Variants in ATAD2B observed in about 807,000 individuals in gnomAD.
The protein encoded by ATAD2B is ATPase family AAA domain-containing protein 2B.
A neutral mutation model predicts 167.6 loss-of-function variants in ATAD2B; 40 were observed. The observed-to-expected ratio is 0.24, with a 90% CI of 0.19 to 0.31. The LOEUF is 0.31. ATAD2B is among the 10% of genes least tolerant of loss of function. The pLI is 1.00. For missense variants in ATAD2B, 1,242 were observed against 1,757.2 expected, an observed-to-expected ratio of 0.71 and a Z score of 5.24; for synonymous variants, 579 against 596.5, an observed-to-expected ratio of 0.97 and a Z score of 0.43.
intron 2 of ATAD2B, among the ~76,000 whole-genome samples, chr2:23,891,746 C>T (rs80087889): frequency 0.065 from 9,808 of 151,844 alleles, 411 homozygotes; most frequent in African/African-American, 0.12. Flanking sequence ...CCGCCCCGAC[C>T]CCCACCTCAG....
At chr2:23,880,871 A>G in intron 6 of ATAD2B, 116 bp from the exon 7 acceptor site, 1 of 655,148 alleles carries the variant, frequency 1.5e-6, no homozygotes, top group South Asian at 1.9e-5. Context: ...CACAGGTGAC[A>G]TTTAAGTGCC....
chr2:23,871,352 T>G (rs1445394850), intron 8 of ATAD2B, among the ~76,000 whole-genome samples: 1 of 152,000 alleles, frequency 6.6e-6, no homozygotes, highest in Non-Finnish European at 1.5e-5. Context: ...GCTCTCCACC[T>G]CTGCAATTTT....
intron 2 of ATAD2B, among the ~76,000 whole-genome samples, chr2:23,890,576 T>C (rs781287966): frequency 1.2e-4 from 19 of 152,206 alleles, no homozygotes; most frequent in Non-Finnish European, 2.4e-4. Context: ...TATTACTTCA[T>C]AAATATACTT....
chr2:23,693,122 G>C, the ATAD2B span: 2 of 944,672 alleles, frequency 2.1e-6, no homozygotes, highest in Non-Finnish European at 3.1e-6. Flanking sequence ...CAGACACCCA[G>C]GAAGGGGGCC....
chr2:23,777,984 G>C (rs1033120810), intron 22 of ATAD2B, among the ~76,000 whole-genome samples: 1 of 152,148 alleles, frequency 6.6e-6, no homozygotes, highest in Non-Finnish European at 1.5e-5. Flanking sequence ...AAATGGCCAA[G>C]TGTTCTGTAA....
intron 13 of ATAD2B, among the ~76,000 whole-genome samples, chr2:23,836,832 C>T (rs1039854450): frequency 2.6e-5 from 4 of 152,064 alleles, no homozygotes; most frequent in South Asian, 4.2e-4. Flanking sequence ...CTGGCTGAGC[C>T]GGGGCTTTTA....
At chr2:23,877,144 A>G (rs1024211014) in intron 7 of ATAD2B, among the ~76,000 whole-genome samples, 2 of 151,408 alleles carry the variant, frequency 1.3e-5, no homozygotes, top group African/African-American at 2.4e-5. Context: ...TTTTTTTTAC[A>G]GGCTGGGCAG....
At chr2:23,761,192 G>A (rs911521410) in intron 24 of ATAD2B, among the ~76,000 whole-genome samples, 6 of 152,110 alleles carry the variant, frequency 3.9e-5, no homozygotes, top group African/African-American at 9.7e-5. Flanking sequence ...TCAGTTTCAC[G>A]GCATCATCGA....
At chr2:23,768,885 C>A (rs1050258330) in intron 22 of ATAD2B, among the ~76,000 whole-genome samples, 1 of 152,186 alleles carries the variant, frequency 6.6e-6, no homozygotes, top group African/African-American at 2.4e-5. Context: ...ATGGGTATAA[C>A]ACAATTTGTT....
intron 14 of ATAD2B, among the ~76,000 whole-genome samples, chr2:23,829,203 A>G (rs1215183314): frequency 6.6e-6 from 1 of 152,204 alleles, no homozygotes; most frequent in East Asian, 1.9e-4. Flanking sequence ...AAGAAAATTG[A>G]CTAGCAGCAT....
intron 7 of ATAD2B, 90 bp from the exon 8 acceptor site, chr2:23,875,994 T>G (rs1696762526): frequency 1.0e-6 from 1 of 1,002,404 alleles, no homozygotes; most frequent in East Asian, 2.7e-5. Flanking sequence ...TGCTCACTTT[T>G]TTGTTGTTGT....
At chr2:23,683,413 C>G in the ATAD2B span, among the ~76,000 whole-genome samples, 5 of 152,356 alleles carry the variant, frequency 3.3e-5, 1 homozygote, top group Admixed American at 3.3e-4. Context: ...TGAGGCAAGG[C>G]TGTTGTGGGG....
chr2:23,705,046 A>G, the ATAD2B span, among the ~76,000 whole-genome samples: 17 of 152,224 alleles, frequency 1.1e-4, no homozygotes, highest in Middle Eastern at 6.3e-3. Flanking sequence ...TGTTGGACTG[A>G]GATTTCACAA....
chr2:23,707,145 C>T, the ATAD2B span: 8 of 153,184 alleles, frequency 5.2e-5, no homozygotes, highest in Non-Finnish European at 1.0e-4. Context: ...CGACAGAAAA[C>T]GAGGGACAAT....
At chr2:23,813,194 G>A (rs1371387189) in intron 17 of ATAD2B, among the ~76,000 whole-genome samples, 2 of 151,562 alleles carry the variant, frequency 1.3e-5, no homozygotes, top group African/African-American at 2.4e-5. Flanking sequence ...GGCAGCCTAG[G>A]AAATGATTAA....
In ATAD2B at chr2:23,926,871, T is replaced by A. The variant is rs1225226969; in HGVS notation, c.-101A>T. The A allele has an allele frequency of 5.8e-6, 8 of 1,374,584 alleles. No homozygotes were observed. The East Asian group carries it at 1.4e-4, about 23-fold the overall frequency. The allele number at this position is 1,374,584 out of a possible 1,614,324, so 85.1% of individuals were successfully genotyped here. A position where few individuals can be genotyped will look rare whatever the true frequency, so the allele number is the denominator to read the frequency against. On this transcript the variant is annotated 5_prime_UTR_variant, in exon 1 of 28. Transcript: ENST00000238789. ...GGGCCAGCGGAGCCGAGCCGGGCAA[T>A]GAGAGACGAGCCGGCCCGGAGCGTG...
chr2:23,797,660 G>A (rs916823277), intron 19 of ATAD2B, among the ~76,000 whole-genome samples: 2 of 151,920 alleles, frequency 1.3e-5, no homozygotes, highest in Non-Finnish European at 2.9e-5. Flanking sequence ...GATTATCTTG[G>A]GGATGGGATC....
At position 23,750,669 on chromosome 2, in the gene ATAD2B, C is replaced by A. The variant is rs1675249285; in HGVS notation, c.*1377G>T. 6.6e-6 allele frequency: 1 copy of A among 152,134 alleles called. No homozygotes were observed. The highest frequency in any genetic ancestry group is 1.5e-5 in the Non-Finnish European group (1 of 68,004). 9.4% of individuals were successfully genotyped at this position (152,134 alleles called of 1,614,324 possible). Reference sequence around the variant, plus strand: ...TGAATGAAGATACCAAGCCAACTTGCTGGCAAAATTTTCTTTTTGTTTAAA... The same window carrying A: ...TGAATGAAGATACCAAGCCAACTTGATGGCAAAATTTTCTTTTTGTTTAAA... On this transcript the variant is annotated 3_prime_UTR_variant, in exon 28 of 28. Transcript: ENST00000238789.
Position 23,788,727 on chromosome 2 carries a change from T to G in ATAD2B, c.2641-80A>C, listed in dbSNP as rs1681191841. ...CATATCATACCAAATTGCAATGTCT[T>G]CATCTTCCAGTATCATGTTCAATAT... is the stretch of plus-strand genomic sequence containing the variant. On this transcript the variant is annotated intron_variant, in intron 19 of 27. Transcript: ENST00000238789. The G allele has an allele frequency of 2.6e-6, 3 of 1,139,712 alleles. No individual in the cohort carries two copies. In the Admixed American group the frequency reaches 7.7e-5, roughly 29 times the overall value. The allele number at this position is 1,139,712 out of a possible 1,614,324, so 70.6% of individuals were successfully genotyped here. A position where few individuals can be genotyped will look rare whatever the true frequency, so the allele number is the denominator to read the frequency against.
Sources: allele counts gnomAD v4.1 joint callset (sites outside exome capture counted in the v4.1 genomes callset), GRCh38; gene constraint gnomAD v4.1.1; transcripts MANE v1.5; gene names NCBI Gene and HGNC (gene_info 2026-07-23, HGNC 2026-07-21).